SESN1: variants seen among roughly 807,000 people sequenced by gnomAD.
The protein encoded by SESN1 is sestrin-1.
SESN1 carries 30 observed loss-of-function variants against 59.3 expected under a neutral mutation model. That is an observed-to-expected ratio of 0.51 (90% CI 0.38 to 0.69). The LOEUF is 0.69. SESN1 is among the 30% of genes least tolerant of loss of function. The pLI is 0.00. For missense variants in SESN1, 566 were observed against 673.0 expected (o/e 0.84, Z 1.76); for synonymous variants, 197 against 219.9 (o/e 0.90, Z 0.92).
rs189795266 is a variant in SESN1, at chr6:109,019,689, A to G, written c.280-17346T>C. On this transcript the variant is annotated intron_variant, in intron 1 of 9. Coordinates refer to ENST00000436639, the MANE Select transcript of SESN1 (RefSeq NM_014454.3). ...ATAACTATTTTCATATTACATTTCA[A>G]TTGAAAAAAATTAAGTAGTTTGGAT... 5.3e-5 allele frequency among the ~76,000 whole-genome samples: 8 copies of G among 152,314 alleles called. No individual in the cohort carries two copies. The East Asian group carries it at 1.2e-3, about 22-fold the overall frequency.
chr6:108,990,580 C>T, intron 8 of SESN1, 65 bp downstream of exon 8: 1 of 1,447,264 alleles, frequency 6.9e-7, no homozygotes, highest in Non-Finnish European at 9.7e-7. Flanking sequence ...CATGTGCGCT[C>T]CAAGCACTTG....
intron 7 of SESN1, 120 bp from the exon 8 acceptor site, chr6:108,990,955 C>CCTAA (rs758813589): frequency 3.9e-6 from 3 of 764,460 alleles, no homozygotes; most frequent in African/African-American, 1.8e-5. Context: ...GGCTTTTATC[C>CCTAA]CTAACTCCCA....
chr6:109,011,023 ACT>A (rs763050686), intron 1 of SESN1, among the ~76,000 whole-genome samples: 125 of 152,236 alleles, frequency 8.2e-4, no homozygotes, highest in Non-Finnish European at 1.4e-3. Context: ...AAAAATGATG[ACT>A]CTGGTTCTAG....
intron 1 of SESN1, among the ~76,000 whole-genome samples, chr6:109,013,160 T>C (rs1317504596): frequency 6.6e-6 from 1 of 151,800 alleles, no homozygotes; most frequent in Non-Finnish European, 1.5e-5. Flanking sequence ...AGAATACGGA[T>C]TTCATTCTTA....
rs866159102 is a variant in SESN1 at position 109,050,735 on chromosome 6, A to G, written c.279+43060T>C. On this transcript the variant is annotated intron_variant, in intron 1 of 9. Transcript: ENST00000436639. ...TTCCAGTCTGACCACAGGAAGACCA[A>G]CCTTCCAAGAGAGCTATCTTCTTTT... Among the ~76,000 whole-genome samples the G allele has an allele frequency of 3.3e-5, 5 of 152,318 alleles. No individual in the cohort carries two copies. The Middle Eastern group carries it at 0.014, about 414-fold the overall frequency.
intron 1 of SESN1, among the ~76,000 whole-genome samples, chr6:109,070,396 T>A (rs1780911587): frequency 6.6e-6 from 1 of 151,918 alleles, no homozygotes; most frequent in Admixed American, 6.6e-5. Context: ...ACAAGGCCCA[T>A]GTACGCAACC....
chr6:108,998,826 A>G, intron 4 of SESN1, 71 bp from the exon 5 acceptor site: 2 of 1,467,692 alleles, frequency 1.4e-6, no homozygotes, highest in African/African-American at 1.4e-5. Context: ...TCATTTTAGT[A>G]TTTAATTTAT....
Position 108,984,737 on chromosome 6 carries a change from T to C in SESN1, c.*2807A>G, listed in dbSNP as rs1451599257. ...TGTTAGTGTATAGAAATACAACTGA[T>C]TTTTGTGTGCTGACTTTGTATCCTA... On this transcript the variant is annotated 3_prime_UTR_variant, in exon 10 of 10. Coordinates refer to ENST00000436639, the MANE Select transcript of SESN1 (RefSeq NM_014454.3). 6.6e-6 allele frequency among the ~76,000 whole-genome samples: 1 copy of C among 152,242 alleles called. No individual in the cohort carries two copies. Among genetic ancestry groups the C allele is most frequent in the Non-Finnish European group, 1.5e-5 (1 of 68,040 alleles).
rs1781428241 is a variant in SESN1, at chr6:109,094,369, T to C, written c.-296A>G. The C allele has an allele frequency of 2.4e-6, 1 of 419,186 alleles. No individual in the cohort carries two copies. Among genetic ancestry groups the C allele is most frequent in the Non-Finnish European group, 4.3e-6 (1 of 231,560 alleles). 26.0% of individuals were successfully genotyped at this position (419,186 alleles called of 1,614,324 possible). ...TGGGCAGAGAATTTCGGGGAAGCGT[T>C]CTCCTCCGTCTCGCGGGGTCAGTGG... On this transcript the variant is annotated 5_prime_UTR_variant, in exon 1 of 10. Transcript: ENST00000436639.
chr6:109,002,644 A>G (rs544418716), intron 1 of SESN1, among the ~76,000 whole-genome samples: 1 of 152,356 alleles, frequency 6.6e-6, no homozygotes, highest in Non-Finnish European at 1.5e-5. Context: ...CCTGTGGATC[A>G]TCAGTGATAC....
chr6:109,006,280 A>C lies in SESN1; in HGVS notation c.280-3937T>G, dbSNP rs73518334. Among the ~76,000 whole-genome samples the C allele has an allele frequency of 1.0e-2, 1,517 of 152,306 alleles. 34 individuals carry two copies. Among genetic ancestry groups the C allele is most frequent in the African/African-American group, 0.035 (1,444 of 41,560 alleles). ...TTATTATCTCCATTTAGCATAACTG[A>C]TGAAAGCCCTGAGATTTTTTTAATT... On this transcript the variant is annotated intron_variant, in intron 1 of 9. Coordinates refer to ENST00000436639, the MANE Select transcript of SESN1 (RefSeq NM_014454.3).
At chr6:109,044,311 CAAAAAAAAAAAAAAAAAAA>C (rs71015570) in intron 1 of SESN1, among the ~76,000 whole-genome samples, 66 of 28,458 alleles carry the variant, frequency 2.3e-3, no homozygotes, top group Admixed American at 0.011. Flanking sequence ...GAACTTGCCT[CAAAAAAAAAAAAAAAAAAA>C]AAAAAAAAAA....
intron 1 of SESN1, among the ~76,000 whole-genome samples, chr6:109,081,586 A>G (rs1781122642): frequency 2.0e-5 from 3 of 152,196 alleles, no homozygotes; most frequent in Admixed American, 2.0e-4. Context: ...TTTCAAAAGC[A>G]TACAGACTGC....
chr6:109,022,627 G>A (rs1012612017), intron 1 of SESN1, among the ~76,000 whole-genome samples: 3 of 151,592 alleles, frequency 2.0e-5, no homozygotes, highest in East Asian at 3.9e-4. Flanking sequence ...CCATAGCCAG[G>A]ATGGTCTCGA....
In SESN1 at chr6:109,093,820, C is replaced by G. The variant is rs137909111; in HGVS notation, c.254G>C (p.Ser85Thr). ...RCPFKDVREK[S>T]EFILKSIQEL... is the part of the protein sequence containing the mutation. ...CTGGATGCTCTTCAGAATAAACTCA[C>G]TTTTCTCTCTCACATCTTTGAAGGG... Residue 85 changes from serine to threonine, a missense_variant, in exon 1 of 10, where the codon AGT (serine) becomes ACT (threonine). Coordinates refer to ENST00000436639, the MANE Select transcript of SESN1 (RefSeq NM_014454.3). The G allele has an allele frequency of 1.5e-5, 24 of 1,613,924 alleles. No homozygotes were observed. The highest frequency in any genetic ancestry group is 2.0e-5 in the Non-Finnish European group (24 of 1,179,944).
chr6:109,069,194 G>C (rs1353332419), intron 1 of SESN1, among the ~76,000 whole-genome samples: 11 of 151,954 alleles, frequency 7.2e-5, no homozygotes, highest in Non-Finnish European at 1.6e-4. Context: ...TTAACAATAC[G>C]TGACTCTAGG....
At chr6:109,093,634 C>T (rs1583305273) in intron 1 of SESN1, among the ~76,000 whole-genome samples, 161 bp downstream of exon 1, 1 of 152,174 alleles carries the variant, frequency 6.6e-6, no homozygotes, top group East Asian at 1.9e-4. Context: ...GCCTAAAACT[C>T]TAGAAAAACA....
intron 1 of SESN1, among the ~76,000 whole-genome samples, chr6:109,028,800 G>A (rs974298717): frequency 6.6e-6 from 1 of 152,142 alleles, no homozygotes; most frequent in African/African-American, 2.4e-5. Flanking sequence ...ACTGGAAAAA[G>A]AGACCATTTC....
intron 1 of SESN1, among the ~76,000 whole-genome samples, chr6:109,069,023 A>G (rs1016105934): frequency 1.1e-4 from 17 of 152,188 alleles, no homozygotes; most frequent in South Asian, 1.0e-3. Flanking sequence ...CGCCCAGCCG[A>G]AATTTCAAAC....
Sources: gnomAD v4.1 joint callset for allele counts (sites outside exome capture counted in the v4.1 genomes callset) on GRCh38, gnomAD v4.1.1 for gene constraint, MANE v1.5 for transcripts, NCBI Gene and HGNC (gene_info 2026-07-23, HGNC 2026-07-21) for gene names.